Variants in GPC6 observed in about 807,000 individuals in gnomAD.
The protein encoded by GPC6 is glypican 6, also known as glypican-6.
A neutral mutation model predicts 55.2 loss-of-function variants in GPC6; 14 were observed. The ratio of observed to expected loss-of-function variants is 0.25; its 90% CI spans 0.17 to 0.40. The LOEUF (loss-of-function observed/expected upper bound fraction) is 0.40. Ranked by LOEUF, GPC6 falls within the 10% of genes least tolerant of loss-of-function variation. The probability of loss-of-function intolerance (pLI) is 1.00; values close to 1 mark genes in which losing one functional copy is unlikely to be tolerated. For synonymous variants in GPC6, 278 were observed against 259.6 expected (o/e 1.07, Z -0.68); for missense variants, 641 against 708.5 (o/e 0.90, Z 1.08).
intron 2 of GPC6, among the ~76,000 whole-genome samples, chr13:93,793,801 A>G (rs1886119437): frequency 6.6e-6 from 1 of 152,226 alleles, no homozygotes; most frequent in Non-Finnish European, 1.5e-5. Context: ...TAAACTGAGC[A>G]AATAAACTCA....
At chr13:94,173,660 G>A (rs1888649740) in intron 4 of GPC6, among the ~76,000 whole-genome samples, 1 of 152,114 alleles carries the variant, frequency 6.6e-6, no homozygotes, top group South Asian at 2.1e-4. Context: ...ACACCTCAAG[G>A]TGGAGCCCGA....
intron 2 of GPC6, among the ~76,000 whole-genome samples, chr13:93,621,545 A>G (rs567161593): frequency 2.0e-5 from 3 of 152,280 alleles, no homozygotes; most frequent in Admixed American, 1.3e-4. Context: ...TGGGTGGAGG[A>G]CGGGGAATCT....
chr13:93,824,600 T>A (rs1887168667), intron 2 of GPC6, among the ~76,000 whole-genome samples: 2 of 151,914 alleles, frequency 1.3e-5, no homozygotes, highest in Non-Finnish European at 2.9e-5. Flanking sequence ...TTTTTTTTTT[T>A]AAACAAAGGC....
chr13:93,457,124 G>A (rs1279346915), intron 1 of GPC6, among the ~76,000 whole-genome samples: 1 of 152,170 alleles, frequency 6.6e-6, no homozygotes, highest in Non-Finnish European at 1.5e-5. Context: ...GTAGAACTGT[G>A]AGTCAATTAA....
At chr13:94,239,281 T>C (rs1235528951) in intron 4 of GPC6, among the ~76,000 whole-genome samples, 1 of 152,154 alleles carries the variant, frequency 6.6e-6, no homozygotes, top group Admixed American at 6.6e-5. Flanking sequence ...AAACATCATG[T>C]TGGAATCTAA....
chr13:93,501,345 TTA>T (rs1175452127), intron 1 of GPC6, among the ~76,000 whole-genome samples: 4 of 152,064 alleles, frequency 2.6e-5, no homozygotes, highest in Admixed American at 6.6e-5. Flanking sequence ...ATCTCTCACC[TTA>T]TATAAGGTAG....
intron 3 of GPC6, among the ~76,000 whole-genome samples, chr13:93,856,329 G>A (rs1888609434): frequency 6.6e-6 from 1 of 151,574 alleles, no homozygotes; most frequent in Non-Finnish European, 1.5e-5. Flanking sequence ...AAGGCAGGAT[G>A]TCCAAAGAAT....
intron 2 of GPC6, among the ~76,000 whole-genome samples, chr13:93,680,815 G>A (rs16949105): frequency 0.041 from 6,221 of 152,100 alleles, 429 homozygotes; most frequent in African/African-American, 0.14. Flanking sequence ...TGTGTTATTC[G>A]TTTTTGGCCT....
chr13:93,827,813 T>C (rs1321389380), intron 2 of GPC6, among the ~76,000 whole-genome samples: 4 of 152,064 alleles, frequency 2.6e-5, no homozygotes. Flanking sequence ...ACATAGTGAG[T>C]GGGCAGTCTT....
chr13:94,096,693 C>G (rs1885669209), intron 4 of GPC6, among the ~76,000 whole-genome samples: 1 of 151,896 alleles, frequency 6.6e-6, no homozygotes, highest in Non-Finnish European at 1.5e-5. Flanking sequence ...GATGGGAAGA[C>G]TAATAAATTG....
At chr13:94,215,376 A>G (rs1406823573) in intron 4 of GPC6, among the ~76,000 whole-genome samples, 1 of 152,172 alleles carries the variant, frequency 6.6e-6, no homozygotes, top group African/African-American at 2.4e-5. Context: ...CCCAATTCAT[A>G]TAACTGTGAG....
At chr13:93,699,900 G>A (rs1252090454) in intron 2 of GPC6, among the ~76,000 whole-genome samples, 1 of 151,042 alleles carries the variant, frequency 6.6e-6, no homozygotes, top group Non-Finnish European at 1.5e-5. Context: ...CCTTTCCTTG[G>A]CATAACATAA....
Position 93,491,219 on chromosome 13 carries a change from G to C in GPC6, c.161-54044G>C, listed in dbSNP as rs1323360375. On this transcript the variant is annotated intron_variant, in intron 1 of 8. Transcript: ENST00000377047. Reference sequence around the variant, plus strand: ...ATTTTAATGATTGCCATTCTAACTGGTGTGAGATGGTATCTCATTGTGGTT... The same window carrying C: ...ATTTTAATGATTGCCATTCTAACTGCTGTGAGATGGTATCTCATTGTGGTT... Among the ~76,000 whole-genome samples, 4 of 35,184 alleles carry C rather than the reference G, an allele frequency of 1.1e-4. 2 individuals are homozygous for C. The highest frequency in any genetic ancestry group is 2.2e-4 in the African/African-American group (2 of 9,218). The allele number at this position is 35,184 out of a possible 152,430, so 23.1% of individuals were successfully genotyped here.
In GPC6 at chr13:93,226,861, A is replaced by G. The variant is rs1566530817; in HGVS notation, c.-596A>G. ...CTGTCTCCAGGATTTCTCTCTTCCT[A>G]TTTCAGGAGGACTCTCACAGGCTCC... On this transcript the variant is annotated 5_prime_UTR_variant, in exon 1 of 9. Transcript: ENST00000377047. 1 of 151,358 alleles carries G rather than the reference A, an allele frequency of 6.6e-6. No individual in the cohort carries two copies. The highest frequency in any genetic ancestry group is 2.0e-4 in the East Asian group (1 of 5,096). The allele number at this position is 151,358 out of a possible 1,614,324, so 9.4% of individuals were successfully genotyped here.
chr13:94,387,718 G>A (rs1880468262), intron 7 of GPC6, among the ~76,000 whole-genome samples: 1 of 140,846 alleles, frequency 7.1e-6, no homozygotes, highest in Non-Finnish European at 1.6e-5. Context: ...CCTTGTAAGA[G>A]GAGACATGAG....
intron 3 of GPC6, among the ~76,000 whole-genome samples, chr13:93,939,926 A>T (rs1878647663): frequency 6.6e-6 from 1 of 152,222 alleles, no homozygotes; most frequent in Admixed American, 6.5e-5. Context: ...GTTACCTAAT[A>T]GAACTCATCT....
chr13:94,255,256 T>C (rs2139042844), intron 4 of GPC6, among the ~76,000 whole-genome samples: 1 of 152,244 alleles, frequency 6.6e-6, no homozygotes, highest in East Asian at 1.9e-4. Context: ...TAATCAAAGC[T>C]CATGTCTGTG....
chr13:93,738,748 A>G (rs1566510951), intron 2 of GPC6, among the ~76,000 whole-genome samples: 1 of 152,170 alleles, frequency 6.6e-6, no homozygotes, highest in Non-Finnish European at 1.5e-5. Flanking sequence ...TTTGAAAGAA[A>G]GAAAAACAAA....
intron 3 of GPC6, among the ~76,000 whole-genome samples, chr13:93,940,995 A>G (rs140056972): frequency 5.7e-4 from 87 of 152,330 alleles, no homozygotes; most frequent in African/African-American, 2.0e-3. Flanking sequence ...GTTAACATCA[A>G]AAAAGTTTTT....
Sources: allele counts gnomAD v4.1 joint callset (sites outside exome capture counted in the v4.1 genomes callset), GRCh38; gene constraint gnomAD v4.1.1; transcripts MANE v1.5; gene names NCBI Gene and HGNC (gene_info 2026-07-23, HGNC 2026-07-21).